ZNF578: variants seen among roughly 807,000 people sequenced by gnomAD.
ZNF578 encodes the protein Putative chemokine-related protein B42.
Under a neutral mutation model 8.3 loss-of-function variants are expected in ZNF578, and 8 were observed. The observed-to-expected ratio is 0.96, with a 90% CI of 0.56 to 1.74. The LOEUF is 1.74. ZNF578 is among the 40% of genes most tolerant of loss of function. ZNF578 has a pLI of 0.00. For synonymous variants in ZNF578, 206 were observed against 232.2 expected (o/e 0.89, Z 1.03); for missense variants, 726 against 707.5 (o/e 1.03, Z -0.30).
At chr19:52,487,047 G>T (rs1309751736) in intron 2 of ZNF578, among the ~76,000 whole-genome samples, 1 of 151,992 alleles carries the variant, frequency 6.6e-6, no homozygotes, top group Non-Finnish European at 1.5e-5. Context: ...AATGAAGACA[G>T]AGGGGCTGGG....
intron 2 of ZNF578, among the ~76,000 whole-genome samples, chr19:52,463,556 C>CGTGAGTT (rs1555751799): frequency 6.6e-6 from 1 of 151,398 alleles, no homozygotes; most frequent in Non-Finnish European, 1.5e-5. Flanking sequence ...TGTGCTAGGA[C>CGTGAGTT]ATGAGTTATA....
In ZNF578 at chr19:52,513,684, C is replaced by G. The variant is rs1013655691; in HGVS notation, c.*1530C>G. ...GGCGGTGCTTGCAGGGAGCCGAGATCGTGCCACTGCACTCCAGGCTGGGCG... is the reference window on the plus strand; with the variant it reads ...GGCGGTGCTTGCAGGGAGCCGAGATGGTGCCACTGCACTCCAGGCTGGGCG... On this transcript the variant is annotated 3_prime_UTR_variant, in exon 6 of 6. Coordinates refer to ENST00000421239, the MANE Select transcript of ZNF578 (RefSeq NM_001099694.2). Among the ~76,000 whole-genome samples the G allele has an allele frequency of 6.9e-6, 1 of 145,942 alleles. No individual in the cohort carries two copies. The highest frequency in any genetic ancestry group is 1.5e-5 in the Non-Finnish European group (1 of 67,384).
At chr19:52,501,737 CA>C (rs926515832) in intron 3 of ZNF578, 89 bp from the exon 4 acceptor site, 15 of 1,367,102 alleles carry the variant, frequency 1.1e-5, no homozygotes, top group Non-Finnish European at 1.5e-5. Flanking sequence ...CTTCTTTGTA[CA>C]GGGTGATGTC....
rs376281616 is a variant in ZNF578, at chr19:52,511,710, A to G, written c.1329A>G (p.Ala443=). ...GKAFIHQSSL[A]RHHRLHTGEK... is the part of the protein sequence containing the mutation. ...CTTTTATTCATCAGTCAAGCCTTGCACGTCATCATAGACTTCATACTGGAG... is the reference window on the plus strand; with the variant it reads ...CTTTTATTCATCAGTCAAGCCTTGCGCGTCATCATAGACTTCATACTGGAG... The change falls in exon 6 of 6, where the codon GCA becomes GCG. Residue 443 remains alanine (A), a synonymous_variant. Transcript: ENST00000421239. 3.0e-5 allele frequency: 48 copies of G among 1,613,638 alleles called. No individual in the cohort carries two copies. The highest frequency in any genetic ancestry group is 4.1e-5 in the Non-Finnish European group (48 of 1,179,960).
chr19:52,499,398 C>T (rs1229931515), intron 3 of ZNF578, among the ~76,000 whole-genome samples: 3 of 152,176 alleles, frequency 2.0e-5, no homozygotes, highest in Non-Finnish European at 4.4e-5. Flanking sequence ...ACCCTGAGCT[C>T]TACAATCCTG....
rs36039960 is a variant in ZNF578 at position 52,515,129 on chromosome 19, C to A, written c.*2975C>A. ...CAGGTGCCCTCCACCACTCCCGGCTCATTTTTTGCATTTTTAGTAGAGACA... is the reference window on the plus strand; with the variant it reads ...CAGGTGCCCTCCACCACTCCCGGCTAATTTTTTGCATTTTTAGTAGAGACA... On this transcript the variant is annotated 3_prime_UTR_variant, in exon 6 of 6. Transcript: ENST00000421239. Among the ~76,000 whole-genome samples, 39,039 of 151,086 alleles carry A rather than the reference C, an allele frequency of 0.26. 5,349 individuals are homozygous for A. Among genetic ancestry groups the A allele is most frequent in the East Asian group, 0.48 (2,425 of 5,050 alleles).
intron 2 of ZNF578, among the ~76,000 whole-genome samples, chr19:52,483,033 A>G (rs1211701875): frequency 6.6e-6 from 1 of 151,814 alleles, no homozygotes; most frequent in African/African-American, 2.4e-5. Context: ...TCATGCCACT[A>G]CATTCCAGCC....
At chr19:52,504,437 C>T (rs757007990) in intron 4 of ZNF578, among the ~76,000 whole-genome samples, 10 of 151,894 alleles carry the variant, frequency 6.6e-5, no homozygotes, top group Admixed American at 1.3e-4. Flanking sequence ...TCCATAAAAT[C>T]GAGACTTCCA....
chr19:52,473,861 G>A (rs995303055), intron 2 of ZNF578: 16 of 319,814 alleles, frequency 5.0e-5, no homozygotes, highest in Non-Finnish European at 9.5e-5. Flanking sequence ...TGCTAGGTAT[G>A]AATAGCTACT....
intron 2 of ZNF578, among the ~76,000 whole-genome samples, chr19:52,479,560 A>T (rs899467622): frequency 6.6e-6 from 1 of 151,676 alleles, no homozygotes; most frequent in African/African-American, 2.4e-5. Flanking sequence ...AAAAAAAAAA[A>T]AAGGAAAAAA....
At chr19:52,464,779 T>A (rs1250990087) in intron 2 of ZNF578, among the ~76,000 whole-genome samples, 1 of 152,248 alleles carries the variant, frequency 6.6e-6, no homozygotes, top group African/African-American at 2.4e-5. Flanking sequence ...TAACATATCC[T>A]GGGATAAAAC....
At chr19:52,502,423 CT>C (rs1343184761) in intron 4 of ZNF578, among the ~76,000 whole-genome samples, 1 of 152,188 alleles carries the variant, frequency 6.6e-6, no homozygotes, top group African/African-American at 2.4e-5. Context: ...TGTCTCCAAA[CT>C]TTTTGTTTTG....
At chr19:52,490,382 T>G (rs1387708711) in intron 2 of ZNF578, among the ~76,000 whole-genome samples, 5 of 152,226 alleles carry the variant, frequency 3.3e-5, no homozygotes, top group Non-Finnish European at 5.9e-5. Context: ...TGTGCTGATT[T>G]TAAGTAGAAG....
At chr19:52,474,570 A>G (rs1673901) in intron 2 of ZNF578, 271,094 of 299,316 alleles carry the variant, frequency 0.91, 123,930 homozygotes, top group Non-Finnish European at 0.96. Context: ...GTTTCTCTCC[A>G]GTATGAATTC....
chr19:52,495,875 G>A (rs1208059597), intron 3 of ZNF578, among the ~76,000 whole-genome samples: 2 of 152,078 alleles, frequency 1.3e-5, no homozygotes, highest in Non-Finnish European at 2.9e-5. Flanking sequence ...CTGGGGTCGG[G>A]AGTGGGGGAA....
intron 3 of ZNF578, among the ~76,000 whole-genome samples, chr19:52,499,689 G>GTTTTTTTTTTTTT (rs66824085): frequency 8.5e-5 from 12 of 141,594 alleles, no homozygotes; most frequent in African/African-American, 1.6e-4. Context: ...CTTCCAAATC[G>GTTTTTTTTTTTTT]TTTTTTTTTT....
In ZNF578 at chr19:52,501,853, A is replaced by G. The variant is rs375140365; in HGVS notation, c.8A>G (p.His3Arg). ML[H>R]EEAAQKRKGK... is the part of the protein sequence containing the mutation. ...ATTGATTTCTAAAGACTCATGTTAC[A>G]TGAGGAAGCAGCTCAGAAGAGGAAA... is the stretch of plus-strand genomic sequence containing the variant. The change falls in exon 4 of 6, where the codon CAT becomes CGT. Residue 3 changes from histidine to arginine, a missense_variant. By Grantham distance (29) the His-to-Arg change is conservative (BLOSUM62 0). Transcript: ENST00000421239. 90 of 1,613,632 alleles carry G rather than the reference A, an allele frequency of 5.6e-5. No homozygotes were observed. Among genetic ancestry groups the G allele is most frequent in the African/African-American group, 2.9e-4 (22 of 74,986 alleles).
intron 2 of ZNF578, among the ~76,000 whole-genome samples, chr19:52,472,716 A>T (rs1465029677): frequency 6.6e-6 from 1 of 152,228 alleles, no homozygotes. Context: ...ATTGAACACA[A>T]TAAGTATAAT....
intron 3 of ZNF578, among the ~76,000 whole-genome samples, chr19:52,498,023 G>C (rs1400218414): frequency 1.3e-5 from 2 of 152,208 alleles, no homozygotes; most frequent in Admixed American, 6.5e-5. Flanking sequence ...ACCTATTGCT[G>C]TGTGTGCACA....
Sources: allele counts gnomAD v4.1 joint callset (sites outside exome capture counted in the v4.1 genomes callset), GRCh38; gene constraint gnomAD v4.1.1; transcripts MANE v1.5; gene names NCBI Gene and HGNC (gene_info 2026-07-23, HGNC 2026-07-21).